The following GRAMD1A variants were observed in gnomAD, a reference collection of about 807,000 sequenced individuals.
GRAMD1A encodes protein Aster-A.
In GRAMD1A, 50 loss-of-function variants were observed where a neutral mutation model predicts 92.0. The observed-to-expected ratio is 0.54, with a 90% CI of 0.43 to 0.69. GRAMD1A has a LOEUF of 0.69. Among genes scored for constraint, GRAMD1A ranks in the 30% least tolerant of loss-of-function variants. The probability of loss-of-function intolerance (pLI) is 0.00; values close to 1 mark genes in which losing one functional copy is unlikely to be tolerated. For synonymous variants in GRAMD1A, 405 were observed against 403.6 expected, an observed-to-expected ratio of 1.00 and a Z score of -0.04; for missense variants, 819 against 978.9, an observed-to-expected ratio of 0.84 and a Z score of 2.18.
chr19:34,998,811 G>A, upstream of GRAMD1A, among the ~76,000 whole-genome samples: 1 of 151,102 alleles, frequency 6.6e-6, no homozygotes, highest in Non-Finnish European at 1.5e-5. Flanking sequence ...GGCGATAGGG[G>A]GGGTGCTGTC....
In GRAMD1A at chr19:35,005,718, G is replaced by A. The variant is rs1255969415; in HGVS notation, c.9-3401G>A. 2.0e-5 allele frequency among the ~76,000 whole-genome samples: 3 copies of A among 152,102 alleles called. No homozygotes were observed. The East Asian group carries it at 5.8e-4, about 29-fold the overall frequency. ...GAGTGCCTACCCTGCATCCTGTCCC[G>A]CATTGTGCTGGGGACAGAGCAGTGA... On this transcript the variant is annotated intron_variant, in intron 1 of 19. Transcript: ENST00000317991.
Position 35,010,323 on chromosome 19 carries a change from GAA to G in GRAMD1A, c.472_473del (p.Lys158AspfsTer27). The G allele has an allele frequency of 6.2e-7, 1 of 1,614,010 alleles. No individual in the cohort carries two copies. The highest frequency in any genetic ancestry group is 8.5e-7 in the Non-Finnish European group (1 of 1,179,836). On this transcript the variant is annotated frameshift_variant, in exon 6 of 20. Coordinates refer to ENST00000317991, the MANE Select transcript of GRAMD1A (RefSeq NM_020895.5). LOFTEE classifies it high-confidence loss of function. The stretch of plus-strand genomic sequence containing the variant: ...GAAGGAAGTGACATGTCTGAAGAAG[GAA>G]AAGACGGCCAAGCTGATCCCCAACG... ...QLKEVTCLKK[E>X]KTAKLIPNAI...
chr19:35,019,658 G>A, intron 13 of GRAMD1A, 125 bp downstream of exon 13: 1 of 942,572 alleles, frequency 1.1e-6, no homozygotes, highest in Non-Finnish European at 1.7e-6. Context: ...TGGGGTTCCT[G>A]AGGCCCTTGT....
Position 35,023,478 on chromosome 19 carries a change from G to A in GRAMD1A, c.2013G>A (p.Lys671=). The change falls in exon 19 of 20, where the codon AAG becomes AAA. Residue 671 remains lysine (K), a synonymous_variant. Transcript: ENST00000317991. ...TEWAEILALQ[K]QFHSVEVHKW... Reference sequence around the variant, plus strand: ...GGGCCGAGATCCTGGCGCTGCAGAAGCAATTCCACAGCGTGGAGGTGCACA... The same window carrying A: ...GGGCCGAGATCCTGGCGCTGCAGAAACAATTCCACAGCGTGGAGGTGCACA... 6.3e-7 allele frequency: 1 copy of A among 1,586,310 alleles called. No individual in the cohort carries two copies.
intron 1 of GRAMD1A, among the ~76,000 whole-genome samples, chr19:35,007,789 C>T (rs540261561): frequency 6.6e-6 from 1 of 152,256 alleles, no homozygotes; most frequent in African/African-American, 2.4e-5. Flanking sequence ...AGGAGGATCA[C>T]TTAAGCCCGG....
Position 35,021,362 on chromosome 19 carries a change from GTAGGGAACCCAT to G in GRAMD1A, c.1476-139_1476-128del. 5 of 666,500 alleles carry G rather than the reference GTAGGGAACCCAT, an allele frequency of 7.5e-6. No individual in the cohort carries two copies. The highest frequency in any genetic ancestry group is 1.1e-5 in the Non-Finnish European group (4 of 370,572). The allele number at this position is 666,500 out of a possible 1,614,324, so 41.3% of individuals were successfully genotyped here. The stretch of plus-strand genomic sequence containing the variant: ...GGGGTATCCAGGGAAGCCATGGGGG[GTAGGGAACCCAT>G]CTGTTTTGTCTGTGAGTGACAAGGG... On this transcript the variant is annotated intron_variant, in intron 13 of 19. Transcript: ENST00000317991. The surrounding 1 kb of genome is among the most constrained non-coding windows in gnomAD (Gnocchi z 5.3).
Position 35,013,449 on chromosome 19 carries a change from G to C in GRAMD1A, c.719+81G>C, listed in dbSNP as rs1218725363. 1 of 1,522,286 alleles carries C rather than the reference G, an allele frequency of 6.6e-7. No homozygotes were observed. Among genetic ancestry groups the C allele is most frequent in the African/African-American group, 1.4e-5 (1 of 73,114 alleles). The allele number at this position is 1,522,286 out of a possible 1,614,324, so 94.3% of individuals were successfully genotyped here. On this transcript the variant is annotated intron_variant, in intron 8 of 19. Coordinates refer to ENST00000317991, the MANE Select transcript of GRAMD1A (RefSeq NM_020895.5). This position sits in a 1 kb window ranked among gnomAD's most constrained non-coding sequence, Gnocchi z 4.9. ...GTGCAGAGTTCCTGGAGTGCTGGGG[G>C]GCCTGAGATGGTTGTATGACGTCTG...
At chr19:35,003,462 A>T (rs2014568527) in intron 1 of GRAMD1A, among the ~76,000 whole-genome samples, 1 of 152,122 alleles carries the variant, frequency 6.6e-6, no homozygotes, top group South Asian at 2.1e-4. Flanking sequence ...CTGGTTGGGC[A>T]GCCGCAGGGT....
At chr19:35,023,643 C>A in intron 19 of GRAMD1A, 96 bp downstream of exon 19, 1 of 1,157,006 alleles carries the variant, frequency 8.6e-7, no homozygotes, top group Non-Finnish European at 1.2e-6. Flanking sequence ...CTCTCCGGAT[C>A]TCAGTGTCCT....
At position 35,021,499 on chromosome 19, in the gene GRAMD1A, C is replaced by A. The variant is rs771802256; in HGVS notation, c.1476-3C>A. 2 of 1,610,490 alleles carry A rather than the reference C, an allele frequency of 1.2e-6. No individual in the cohort carries two copies. Among genetic ancestry groups the A allele is most frequent in the Non-Finnish European group, 1.7e-6 (2 of 1,176,666 alleles). On this transcript the variant is annotated splice_polypyrimidine_tract_variant and splice_region_variant and intron_variant, in intron 13 of 19. Transcript: ENST00000317991. The surrounding 1 kb of genome is among the most constrained non-coding windows in gnomAD (Gnocchi z 5.3). ...CCTCCTTCCCCTGATCTCCCAACCCCAGAGTGTCTTCTGAGATCCGCTACC... is the reference window on the plus strand; with the variant it reads ...CCTCCTTCCCCTGATCTCCCAACCCAAGAGTGTCTTCTGAGATCCGCTACC...
chr19:35,004,611 C>G (rs1272816553), intron 1 of GRAMD1A, among the ~76,000 whole-genome samples: 1 of 152,158 alleles, frequency 6.6e-6, no homozygotes, highest in Non-Finnish European at 1.5e-5. Context: ...GCTTTGCTCA[C>G]TTCCTTGTGG....
chr19:35,007,537 G>A (rs187973421), intron 1 of GRAMD1A, among the ~76,000 whole-genome samples: 2 of 152,026 alleles, frequency 1.3e-5, no homozygotes, highest in East Asian at 3.9e-4. Flanking sequence ...CAGCCTGGGC[G>A]ACAGAGAGAG....
chr19:35,019,577 C>T lies in GRAMD1A; in HGVS notation c.1475+44C>T, dbSNP rs776639316. ...CCTCCACCCGATGCCCTGGTGGCCC[C>T]AGGGCCTCCTGTCCACTCCTCAAGT... On this transcript the variant is annotated intron_variant, in intron 13 of 19. Transcript: ENST00000317991. 5.7e-6 allele frequency: 9 copies of T among 1,592,534 alleles called. No homozygotes were observed. In the South Asian group the frequency reaches 8.8e-5, roughly 16 times the overall value.
Position 35,019,096 on chromosome 19 carries a change from G to A in GRAMD1A, c.1214-95G>A. On this transcript the variant is annotated intron_variant, in intron 11 of 19. Transcript: ENST00000317991. ...AGAGGAGTGGTGGGGATTGGGACAG[G>A]TCCCCAGAGAGACCTCCCAGAAGGC... The A allele has an allele frequency of 3.8e-6, 3 of 796,330 alleles. No homozygotes were observed. In the South Asian group the frequency reaches 4.8e-5, roughly 13 times the overall value. The allele number at this position is 796,330 out of a possible 1,614,324, so 49.3% of individuals were successfully genotyped here. A position where few individuals can be genotyped will look rare whatever the true frequency, so the allele number is the denominator to read the frequency against.
At chr19:35,023,136 C>T in intron 17 of GRAMD1A, 100 bp from the exon 18 acceptor site, 1 of 897,050 alleles carries the variant, frequency 1.1e-6, no homozygotes. Flanking sequence ...TTCTCCTCCT[C>T]TGCAATGGGG....
intron 11 of GRAMD1A, among the ~76,000 whole-genome samples, chr19:35,017,569 G>C (rs761492331): frequency 2.0e-4 from 31 of 152,230 alleles, no homozygotes; most frequent in Non-Finnish European, 1.3e-4. Flanking sequence ...CTCACCCAGA[G>C]CTGTGGCTGC....
In GRAMD1A at chr19:35,013,271, G is replaced by C. The variant is rs1391451271; in HGVS notation, c.622G>C (p.Glu208Gln). 1.3e-6 allele frequency: 2 copies of C among 1,544,070 alleles called. No individual in the cohort carries two copies. Among genetic ancestry groups the C allele is most frequent in the Non-Finnish European group, 1.8e-6 (2 of 1,141,698 alleles). The change falls in exon 8 of 20, where the codon GAG (glutamate) becomes CAG (glutamine). Residue 208 changes from glutamate to glutamine, a missense_variant. Around this residue, in one of 3 missense-constraint regions of GRAMD1A, gnomAD observed 144 missense variants for 220.3 expected, o/e 0.65. Transcript: ENST00000317991. The surrounding 1 kb of genome is among the most constrained non-coding windows in gnomAD (Gnocchi z 4.9). Reference sequence around the variant, plus strand: ...GCCTCCCCAGACGCTGAGTCCCCGCGAGCTCTGGCACCTGGTGCATCAGTG... The same window carrying C: ...GCCTCCCCAGACGCTGAGTCCCCGCCAGCTCTGGCACCTGGTGCATCAGTG... ...ALLEKTLSPR[E>Q]LWHLVHQCYG...
Position 35,013,457 on chromosome 19 carries a change from A to G in GRAMD1A, c.720-84A>G. The G allele has an allele frequency of 2.0e-6, 3 of 1,534,398 alleles. No individual in the cohort carries two copies. The highest frequency in any genetic ancestry group is 4.5e-5 in the East Asian group (2 of 44,052). On this transcript the variant is annotated intron_variant, in intron 8 of 19. Transcript: ENST00000317991. This position sits in a 1 kb window ranked among gnomAD's most constrained non-coding sequence, Gnocchi z 4.9. ...TTCCTGGAGTGCTGGGGGGCCTGAG[A>G]TGGTTGTATGACGTCTGGAGGATTC... is the stretch of plus-strand genomic sequence containing the variant.
chr19:35,013,500 C>A lies in GRAMD1A; in HGVS notation c.720-41C>A. ...GAGGATTCAGGAGGGTGTATGGGGT[C>A]TCAAGGACACAGCAGTCCCGCTTCC... On this transcript the variant is annotated intron_variant, in intron 8 of 19. Coordinates refer to ENST00000317991, the MANE Select transcript of GRAMD1A (RefSeq NM_020895.5). The surrounding 1 kb of genome is among the most constrained non-coding windows in gnomAD (Gnocchi z 4.9). 1.9e-6 allele frequency: 3 copies of A among 1,581,154 alleles called. No homozygotes were observed. Among genetic ancestry groups the A allele is most frequent in the Admixed American group, 1.7e-5 (1 of 58,620 alleles).
Sources: allele counts gnomAD v4.1 joint callset (sites outside exome capture counted in the v4.1 genomes callset), GRCh38; gene constraint gnomAD v4.1.1; regional missense constraint gnomAD v4.1.1; non-coding constraint Gnocchi (gnomAD v3.1); transcripts MANE v1.5; gene names NCBI Gene and HGNC (gene_info 2026-07-23, HGNC 2026-07-21).